TMEM59: variants seen among roughly 807,000 people sequenced by gnomAD.
TMEM59 encodes the protein transmembrane protein 59, also known as dendritic cell factor 1.
TMEM59 carries 44 observed loss-of-function variants against 42.2 expected under a neutral mutation model. The observed-to-expected ratio is 1.04, with a 90% CI of 0.82 to 1.34. The LOEUF is 1.34. Among genes scored for constraint, TMEM59 ranks in the 40% most tolerant of loss-of-function variants. The pLI is 0.00. For synonymous variants in TMEM59, 148 were observed against 145.8 expected, an observed-to-expected ratio of 1.02 and a Z score of -0.11; for missense variants, 359 against 382.8, an observed-to-expected ratio of 0.94 and a Z score of 0.52.
chr1:54,037,501 T>C (rs1245026344), intron 6 of TMEM59, among the ~76,000 whole-genome samples: 2 of 152,234 alleles, frequency 1.3e-5, no homozygotes, highest in Non-Finnish European at 2.9e-5. Flanking sequence ...AATTGACCTA[T>C]TAAGATTCAA....
chr1:54,046,463 T>C (rs1298131957), intron 2 of TMEM59, among the ~76,000 whole-genome samples: 1 of 152,238 alleles, frequency 6.6e-6, no homozygotes, highest in African/African-American at 2.4e-5. Context: ...TCTTGTGATA[T>C]AACATTTTAC....
At position 54,031,894 on chromosome 1, in the gene TMEM59, C is replaced by A; in HGVS notation, c.*256G>T. 3.4e-6 allele frequency: 1 copy of A among 296,260 alleles called. No homozygotes were observed. Among genetic ancestry groups the A allele is most frequent in the Admixed American group, 4.8e-5 (1 of 20,720 alleles). The allele number at this position is 296,260 out of a possible 1,614,324, so 18.4% of individuals were successfully genotyped here. ...TCATAGCTAAGAAAAGGGAAAAAAA[C>A]AATAACCAAAGCAAAAAACAAAATA... is the stretch of plus-strand genomic sequence containing the variant. On this transcript the variant is annotated 3_prime_UTR_variant, in exon 8 of 8. Transcript: ENST00000234831.
At position 54,053,177 on chromosome 1, in the gene TMEM59, C is replaced by T; in HGVS notation, c.12G>A (p.Pro4=). 1 of 1,614,072 alleles carries T rather than the reference C, an allele frequency of 6.2e-7. No homozygotes were observed. Among genetic ancestry groups the T allele is most frequent in the Non-Finnish European group, 8.5e-7 (1 of 1,179,974 alleles). The change falls in exon 1 of 8, where the codon CCG becomes CCA. Residue 4 remains proline (P), a synonymous_variant. Transcript: ENST00000234831. MAA[P]KGSLWVRTQL... ...GGGTCCTCACCCAGAGGCTCCCCTT[C>T]GGCGCCGCCATCTTGTTCCCCTCTG...
Position 54,047,270 on chromosome 1 carries a change from A to G in TMEM59, c.292T>C (p.Ser98Pro). The G allele has an allele frequency of 6.2e-7, 1 of 1,612,684 alleles. No individual in the cohort carries two copies. Among genetic ancestry groups the G allele is most frequent in the African/African-American group, 1.3e-5 (1 of 74,982 alleles). ...TGTCGTTAGCATAGCATCTTACCAG[A>G]TTCACATTCCAATTTAGTTCGATTT... Reference protein sequence around the residue: ...DLNRTKLECESACTEAYSQSD... With the variant: ...DLNRTKLECEPACTEAYSQSD... Residue 98 changes from serine to proline, a missense_variant, in exon 2 of 8, where the codon TCT (serine) becomes CCT (proline). Transcript: ENST00000234831.
Sources: gnomAD v4.1 joint callset for allele counts (sites outside exome capture counted in the v4.1 genomes callset) on GRCh38, gnomAD v4.1.1 for gene constraint, MANE v1.5 for transcripts, NCBI Gene and HGNC (gene_info 2026-07-23, HGNC 2026-07-21) for gene names.